UQCRC2: variants seen among roughly 807,000 people sequenced by gnomAD.
UQCRC2 encodes cytochrome b-c1 complex subunit 2, mitochondrial.
Under a neutral mutation model 55.6 loss-of-function variants are expected in UQCRC2, and 49 were observed. The ratio of observed to expected loss-of-function variants is 0.88; its 90% CI spans 0.70 to 1.12. UQCRC2 has a LOEUF of 1.12. Among genes scored for constraint, UQCRC2 ranks in the 50% most tolerant of loss-of-function variants. UQCRC2 has a pLI of 0.00. For synonymous variants in UQCRC2, 193 were observed against 192.0 expected, an observed-to-expected ratio of 1.01 and a Z score of -0.04; for missense variants, 506 against 547.8, an observed-to-expected ratio of 0.92 and a Z score of 0.76.
intron 13 of UQCRC2, among the ~76,000 whole-genome samples, chr16:21,982,305 C>A (rs564916413): frequency 6.6e-6 from 1 of 152,306 alleles, no homozygotes; most frequent in East Asian, 1.9e-4. Context: ...TGATACTACA[C>A]TTAACCAGCC....
Position 21,983,568 on chromosome 16 carries a change from G to T in UQCRC2, c.*397G>T, listed in dbSNP as rs1898789291. 1 of 239,468 alleles carries T rather than the reference G, an allele frequency of 4.2e-6. No individual in the cohort carries two copies. Among genetic ancestry groups the T allele is most frequent in the Non-Finnish European group, 7.9e-6 (1 of 126,546 alleles). 14.8% of individuals were successfully genotyped at this position (239,468 alleles called of 1,614,324 possible). On this transcript the variant is annotated 3_prime_UTR_variant, in exon 14 of 14. Transcript: ENST00000268379. ...GCAAGTTCAAAATTTGTCATTTTGG[G>T]TGTCAACAGCTAAATGGTCTGGTTT...
Position 21,971,579 on chromosome 16 carries a change from G to A in UQCRC2, c.725G>A (p.Gly242Asp), listed in dbSNP as rs1407965401. ...QVAEQFLNMR[G>D]GLGLSGAKAN... Reference sequence around the variant, plus strand: ...GCTGAACAGTTTCTCAACATGAGGGGTGGGCTTGGTTTATCTGGTGCAAAG... The same window carrying A: ...GCTGAACAGTTTCTCAACATGAGGGATGGGCTTGGTTTATCTGGTGCAAAG... Residue 242 changes from glycine to aspartate, a missense_variant, in exon 9 of 14, where the codon GGT (glycine) becomes GAT (aspartate). By Grantham distance (94) the Gly-to-Asp change is moderately conservative. Transcript: ENST00000268379. 6.2e-7 allele frequency: 1 copy of A among 1,614,152 alleles called. No individual in the cohort carries two copies. Among genetic ancestry groups the A allele is most frequent in the Non-Finnish European group, 8.5e-7 (1 of 1,180,002 alleles).
intron 12 of UQCRC2, among the ~76,000 whole-genome samples, chr16:21,979,507 T>C (rs1477890421): frequency 6.6e-6 from 1 of 152,170 alleles, no homozygotes; most frequent in Non-Finnish European, 1.5e-5. Flanking sequence ...TACAAACCTG[T>C]ATAGCATGTA....
At chr16:21,963,619 G>A (rs1403740145) in intron 6 of UQCRC2, among the ~76,000 whole-genome samples, 5 of 151,718 alleles carry the variant, frequency 3.3e-5, no homozygotes, top group Non-Finnish European at 5.9e-5. Flanking sequence ...ACACACCACC[G>A]CACCCTGCTA....
intron 1 of UQCRC2, among the ~76,000 whole-genome samples, chr16:21,955,479 CTCA>C (rs1294118861): frequency 6.6e-6 from 1 of 152,218 alleles, no homozygotes; most frequent in African/African-American, 2.4e-5. Flanking sequence ...ATTTTATTCA[CTCA>C]TCATCTCCTC....
At chr16:21,955,711 T>C (rs916201919) in intron 1 of UQCRC2, among the ~76,000 whole-genome samples, 1 of 152,228 alleles carries the variant, frequency 6.6e-6, no homozygotes, top group African/African-American at 2.4e-5. Context: ...ATAAATGTTT[T>C]ATTTAGTCAA....
chr16:21,981,046 T>C (rs567182144), intron 13 of UQCRC2, among the ~76,000 whole-genome samples: 11 of 152,310 alleles, frequency 7.2e-5, no homozygotes, highest in African/African-American at 2.6e-4. Flanking sequence ...GGGCTTATGT[T>C]AGATGACTAG....
intron 4 of UQCRC2, among the ~76,000 whole-genome samples, chr16:21,958,962 A>G (rs1260848172): frequency 6.6e-6 from 1 of 152,210 alleles, no homozygotes; most frequent in East Asian, 1.9e-4. Context: ...GTACAATGAC[A>G]TTTTGTCTTG....
intron 7 of UQCRC2, chr16:21,968,358 A>G (rs1898377743): frequency 3.9e-6 from 1 of 257,972 alleles, no homozygotes. Flanking sequence ...ACCATACTAT[A>G]CAACCTATTT....
chr16:21,959,751 A>C (rs1597951726), intron 4 of UQCRC2: 1 of 152,258 alleles, frequency 6.6e-6, no homozygotes, highest in East Asian at 1.9e-4. Flanking sequence ...TTAAATAATA[A>C]GACTTGAAAA....
At chr16:21,957,930 CTTCT>C (rs1047519215) in intron 3 of UQCRC2, among the ~76,000 whole-genome samples, 15 of 152,336 alleles carry the variant, frequency 9.8e-5, no homozygotes, top group Admixed American at 8.5e-4. Flanking sequence ...CATGGCCTTC[CTTCT>C]GTCTGTGTCC....
At chr16:21,962,437 C>G in intron 4 of UQCRC2, 23 bp from the exon 5 acceptor site, 1 of 1,613,764 alleles carries the variant, frequency 6.2e-7, no homozygotes, top group Non-Finnish European at 8.5e-7. Context: ...AGATGATTTA[C>G]TCTAGTTTAT....
In UQCRC2 at chr16:21,975,327, G is replaced by GATCTT. The variant is rs1180940472; in HGVS notation, c.1048-840_1048-839insATCTT. Among the ~76,000 whole-genome samples the GATCTT allele has an allele frequency of 2.0e-5, 3 of 152,150 alleles. No individual in the cohort carries two copies. The East Asian group carries it at 5.8e-4, about 29-fold the overall frequency. On this transcript the variant is annotated intron_variant, in intron 11 of 13. Coordinates refer to ENST00000268379, the MANE Select transcript of UQCRC2 (RefSeq NM_003366.4). ...AGATCTTGATAAAGTGGAAGAATAA[G>GATCTT]GATAGTGAGATTAAAGACTGAGGTC...
chr16:21,975,875 G>A (rs972015450), intron 11 of UQCRC2, among the ~76,000 whole-genome samples: 1 of 152,142 alleles, frequency 6.6e-6, no homozygotes, highest in Non-Finnish European at 1.5e-5. Flanking sequence ...AGGATCACTT[G>A]AGCCCACACA....
chr16:21,965,193 G>A (rs1291538491), intron 6 of UQCRC2, among the ~76,000 whole-genome samples: 1 of 152,220 alleles, frequency 6.6e-6, no homozygotes, highest in African/African-American at 2.4e-5. Flanking sequence ...TATAGAAGCT[G>A]CTGCCATGTA....
chr16:21,979,706 C>G (rs946128543), intron 12 of UQCRC2, among the ~76,000 whole-genome samples: 2 of 151,366 alleles, frequency 1.3e-5, no homozygotes, highest in Admixed American at 6.6e-5. Flanking sequence ...TGGGACATTA[C>G]TGTGCACTGC....
chr16:21,976,265 G>A, intron 12 of UQCRC2, 22 bp downstream of exon 12: 1 of 1,579,790 alleles, frequency 6.3e-7, no homozygotes, highest in Non-Finnish European at 8.7e-7. Flanking sequence ...TATTAACTGT[G>A]TTTTATGTTT....
intron 10 of UQCRC2, among the ~76,000 whole-genome samples, chr16:21,972,608 C>T (rs1898489006): frequency 6.6e-6 from 1 of 152,190 alleles, no homozygotes; most frequent in Admixed American, 6.5e-5. Flanking sequence ...GGCACAGTGG[C>T]TCACAACTAA....
At chr16:21,978,500 C>G (rs1467696159) in intron 12 of UQCRC2, among the ~76,000 whole-genome samples, 2 of 152,144 alleles carry the variant, frequency 1.3e-5, no homozygotes, top group African/African-American at 4.8e-5. Context: ...GCTTACAAGA[C>G]CTGTACTGCC....
Sources: gnomAD v4.1 joint callset for allele counts (sites outside exome capture counted in the v4.1 genomes callset) on GRCh38, gnomAD v4.1.1 for gene constraint, MANE v1.5 for transcripts, NCBI Gene and HGNC (gene_info 2026-07-23, HGNC 2026-07-21) for gene names.